The following SPART variants were observed in gnomAD, a reference collection of about 807,000 sequenced individuals.
SPART encodes the protein spartin.
A neutral mutation model predicts 58.7 loss-of-function variants in SPART; 35 were observed. That is an observed-to-expected ratio of 0.60 (90% CI 0.46 to 0.79). The LOEUF is 0.79. Ranked by LOEUF, SPART falls within the 30% of genes least tolerant of loss-of-function variation. SPART has a pLI of 0.00. For missense variants in SPART, 730 were observed against 786.1 expected (o/e 0.93, Z 0.85); for synonymous variants, 284 against 280.7 (o/e 1.01, Z -0.12).
Position 36,329,397 on chromosome 13 carries a change from T to C in SPART, c.1129A>G (p.Lys377Glu). ...TDVKQLDQGN[K>E]DVRHKGKRGK... ...CGTTTTCCTTTATGACGTACATCCT[T>C]ATTGCCTTGGTCCAACTGTTTCACA... The change falls in exon 4 of 9, where the codon AAG (lysine) becomes GAG (glutamate). Residue 377 changes from lysine (K) to glutamate (E), a missense_variant. Physicochemically the swap from Lys to Glu is moderately conservative, Grantham distance 56 (BLOSUM62 1). Transcript: ENST00000438666. 6.2e-7 allele frequency: 1 copy of C among 1,614,188 alleles called. No individual in the cohort carries two copies. Among genetic ancestry groups the C allele is most frequent in the Non-Finnish European group, 8.5e-7 (1 of 1,180,022 alleles).
At chr13:36,348,050 C>T (rs899052820), upstream of SPART, among the ~76,000 whole-genome samples, 5 of 152,164 alleles carry the variant, frequency 3.3e-5, no homozygotes, top group Non-Finnish European at 5.9e-5. Flanking sequence ...ACTCCAGAGG[C>T]CGAGGCAAGA....
rs566362939 is a variant in SPART at position 36,362,593 on chromosome 13, C to T, written c.-3+7496G>A. On this transcript the variant is annotated intron_variant, in intron 1 of 8. Transcript: ENST00000355182. ...GCAGAATCCCTCGTTTCTTTCTCCC[C>T]TGTGTGCTCTGCATGAGGCCACCTG... Among the ~76,000 whole-genome samples, 187 of 152,194 alleles carry T rather than the reference C, an allele frequency of 1.2e-3. 1 individual carries two copies. Among genetic ancestry groups the T allele is most frequent in the South Asian group, 9.3e-3 (45 of 4,824 alleles).
intron 1 of SPART, among the ~76,000 whole-genome samples, chr13:36,358,228 T>A (rs950649368): frequency 1.3e-5 from 2 of 152,228 alleles, no homozygotes; most frequent in Non-Finnish European, 2.9e-5. Context: ...ACTCTTGTTT[T>A]TTTGTTATTC....
intron 1 of SPART, among the ~76,000 whole-genome samples, chr13:36,341,265 C>A (rs948503805): frequency 6.6e-6 from 1 of 152,096 alleles, no homozygotes; most frequent in African/African-American, 2.4e-5. Context: ...CTATGTCAAA[C>A]AGAACTGTAA....
chr13:36,304,600 T>C lies in SPART; in HGVS notation c.1766A>G (p.His589Arg), dbSNP rs1436321085. Reference sequence around the variant, plus strand: ...AACATTGACCGCAGAATCCACCGCATGGTGGGTAGCTTCTCCTGCATTATA... The same window carrying C: ...AACATTGACCGCAGAATCCACCGCACGGTGGGTAGCTTCTCCTGCATTATA... ...YGYNAGEATH[H>R]AVDSAVNVGV... Residue 589 changes from histidine (H) to arginine (R), a missense_variant, in exon 9 of 9, where the codon CAT becomes CGT. By Grantham distance (29) the His-to-Arg change is conservative. Transcript: ENST00000438666. 6.2e-7 allele frequency: 1 copy of C among 1,614,042 alleles called. No homozygotes were observed. Among genetic ancestry groups the C allele is most frequent in the Non-Finnish European group, 8.5e-7 (1 of 1,179,960 alleles).
At chr13:36,337,105 T>C (rs1007994996) in intron 1 of SPART, among the ~76,000 whole-genome samples, 1 of 152,252 alleles carries the variant, frequency 6.6e-6, no homozygotes, top group African/African-American at 2.4e-5. Context: ...CCCACTTATG[T>C]ATAGTTTCAT....
At chr13:36,341,318 A>C (rs1884563869) in intron 1 of SPART, among the ~76,000 whole-genome samples, 1 of 152,248 alleles carries the variant, frequency 6.6e-6, no homozygotes, top group African/African-American at 2.4e-5. Flanking sequence ...ATAACATTAA[A>C]AAGGTAAAAA....
chr13:36,364,016 A>C (rs375169046), intron 1 of SPART, among the ~76,000 whole-genome samples: 2 of 152,110 alleles, frequency 1.3e-5, no homozygotes, highest in Non-Finnish European at 2.9e-5. Flanking sequence ...GACGGTATGC[A>C]GTAGTATAAA....
intron 1 of SPART, among the ~76,000 whole-genome samples, chr13:36,337,349 C>T (rs918027544): frequency 1.2e-4 from 19 of 152,172 alleles, no homozygotes; most frequent in Admixed American, 7.9e-4. Flanking sequence ...TATGGTTTGG[C>T]GATGTCCCCA....
intron 6 of SPART, 124 bp from the exon 7 acceptor site, chr13:36,312,601 T>A (rs1162869736): frequency 2.7e-6 from 3 of 1,099,210 alleles, no homozygotes; most frequent in Non-Finnish European, 4.0e-6. Context: ...TTACAATTTC[T>A]TCTTAAGGAT....
intron 5 of SPART, among the ~76,000 whole-genome samples, chr13:36,316,677 T>C (rs1329055769): frequency 1.3e-5 from 2 of 152,188 alleles, no homozygotes; most frequent in Non-Finnish European, 2.9e-5. Context: ...TGCTGACTCT[T>C]TTCAGACTCA....
At chr13:36,333,748 T>A (rs1031809147) in intron 2 of SPART, among the ~76,000 whole-genome samples, 1 of 152,138 alleles carries the variant, frequency 6.6e-6, no homozygotes, top group African/African-American at 2.4e-5. Flanking sequence ...AGATTTTTTA[T>A]TCCATCATTA....
rs1232746924 is a variant in SPART at position 36,335,061 on chromosome 13, G to C, written c.770C>G (p.Ser257Cys). ...AGGACGGTTTAGAACCGTATCGAGA[G>C]AATTATCCAAAAACCTCACAATTCG... is the stretch of plus-strand genomic sequence containing the variant. ...YLRIVRFLDNSLDTVLNRPPG... is the reference protein window; with the variant it reads ...YLRIVRFLDNCLDTVLNRPPG... Residue 257 changes from serine (S) to cysteine (C), a missense_variant, in exon 2 of 9, where the codon TCT (serine) becomes TGT (cysteine). Physicochemically the swap from Ser to Cys is moderately radical, Grantham distance 112. Coordinates refer to ENST00000438666, the MANE Select transcript of SPART (RefSeq NM_015087.5). The C allele has an allele frequency of 1.9e-6, 3 of 1,614,062 alleles. No individual in the cohort carries two copies. In the African/African-American group the frequency reaches 4.0e-5, roughly 22 times the overall value.
chr13:36,303,991 A>G lies in SPART; in HGVS notation c.*374T>C. 1.5e-5 allele frequency: 3 copies of G among 204,332 alleles called. No individual in the cohort carries two copies. Among genetic ancestry groups the G allele is most frequent in the Non-Finnish European group, 3.0e-5 (3 of 100,424 alleles). 12.7% of individuals were successfully genotyped at this position (204,332 alleles called of 1,614,324 possible). ...AAAGAATTAAGGTTACTAAATGCCA[A>G]TTTTTAAGCAAATATATAGTTTCCT... On this transcript the variant is annotated 3_prime_UTR_variant, in exon 9 of 9. Transcript: ENST00000438666.
chr13:36,316,503 T>G (rs1290121791), intron 5 of SPART, among the ~76,000 whole-genome samples: 1 of 152,136 alleles, frequency 6.6e-6, no homozygotes, highest in Non-Finnish European at 1.5e-5. Context: ...AGTGATGACA[T>G]TACCTTGTGA....
rs1428781526 is a variant in SPART at position 36,318,658 on chromosome 13, C to T, written c.1289-4237G>A. On this transcript the variant is annotated intron_variant, in intron 5 of 8. Coordinates refer to ENST00000438666, the MANE Select transcript of SPART (RefSeq NM_015087.5). ...TCTCCAGCACACAAGAACTTCCAAA[C>T]GCCTGAACCGCAGTGGCCAGGCGTT... 3.9e-5 allele frequency among the ~76,000 whole-genome samples: 6 copies of T among 151,968 alleles called. 1 individual carries two copies. The highest frequency in any genetic ancestry group is 2.6e-4 in the Admixed American group (4 of 15,290).
At chr13:36,321,336 T>G (rs1223381090) in intron 5 of SPART, among the ~76,000 whole-genome samples, 1 of 152,210 alleles carries the variant, frequency 6.6e-6, no homozygotes, top group Non-Finnish European at 1.5e-5. Context: ...ACTCTTGAAG[T>G]AAATAAATAA....
chr13:36,328,542 T>C (rs1883171207), intron 4 of SPART, among the ~76,000 whole-genome samples: 1 of 152,204 alleles, frequency 6.6e-6, no homozygotes, highest in Admixed American at 6.5e-5. Flanking sequence ...GCATCTTCTA[T>C]CTAATAGCCA....
chr13:36,368,010 A>C (rs532875974), intron 1 of SPART, among the ~76,000 whole-genome samples: 2 of 152,330 alleles, frequency 1.3e-5, no homozygotes, highest in African/African-American at 4.8e-5. Flanking sequence ...CTTTAGGGCT[A>C]AATATAATCA....
Sources: allele counts gnomAD v4.1 joint callset (sites outside exome capture counted in the v4.1 genomes callset), GRCh38; gene constraint gnomAD v4.1.1; transcripts MANE v1.5; gene names NCBI Gene and HGNC (gene_info 2026-07-23, HGNC 2026-07-21).